NXPE2: variants seen among roughly 807,000 people sequenced by gnomAD.
NXPE2 encodes neurexophilin and PC-esterase domain family member 2.
NXPE2 carries 34 observed loss-of-function variants against 34.4 expected under a neutral mutation model. The ratio of observed to expected loss-of-function variants is 0.99; its 90% confidence interval spans 0.75 to 1.31. NXPE2 has a LOEUF of 1.31. Ranked by LOEUF, NXPE2 falls within the 40% of genes most tolerant of loss-of-function variation. The pLI is 0.00. For synonymous variants in NXPE2, 235 were observed against 231.3 expected, an observed-to-expected ratio of 1.02 and a Z score of -0.15; for missense variants, 649 against 672.5, an observed-to-expected ratio of 0.97 and a Z score of 0.39.
chr11:114,717,268 T>C, the NXPE2 span, among the ~76,000 whole-genome samples: 10 of 152,148 alleles, frequency 6.6e-5, no homozygotes, highest in Non-Finnish European at 1.5e-4. Flanking sequence ...AGATGAACAG[T>C]GGTGTGCAGA....
chr11:114,468,545 G>A, the NXPE2 span, among the ~76,000 whole-genome samples: 15 of 152,256 alleles, frequency 9.9e-5, no homozygotes, highest in Admixed American at 5.9e-4. Context: ...GTTCTTAACT[G>A]GAGGTGGTTT....
chr11:114,724,279 G>A, the NXPE2 span, among the ~76,000 whole-genome samples: 3 of 151,850 alleles, frequency 2.0e-5, no homozygotes, highest in Non-Finnish European at 4.4e-5. Flanking sequence ...TCACAGTGAC[G>A]TGTTCCAGTG....
At chr11:114,602,433 TATA>T in the NXPE2 span, among the ~76,000 whole-genome samples, 1 of 133,488 alleles carries the variant, frequency 7.5e-6, no homozygotes, top group Admixed American at 8.4e-5. Context: ...TAAATGTAAT[TATA>T]ATATATAATA....
At chr11:114,486,864 G>T in the NXPE2 span, among the ~76,000 whole-genome samples, 26 of 151,920 alleles carry the variant, frequency 1.7e-4, no homozygotes, top group Admixed American at 1.6e-3. Flanking sequence ...TGTGTTTCTT[G>T]TTATGCCAGT....
At chr11:114,643,868 C>G in the NXPE2 span, among the ~76,000 whole-genome samples, 7 of 152,056 alleles carry the variant, frequency 4.6e-5, no homozygotes, top group Admixed American at 1.3e-4. Flanking sequence ...TGGCCACTTT[C>G]ATGATATTAA....
the NXPE2 span, among the ~76,000 whole-genome samples, chr11:114,720,578 G>A: frequency 6.6e-6 from 1 of 152,092 alleles, no homozygotes; most frequent in Non-Finnish European, 1.5e-5. Context: ...TGTAGCTGGT[G>A]CAAATGCAGG....
the NXPE2 span, among the ~76,000 whole-genome samples, chr11:114,734,144 T>A: frequency 0.11 from 16,148 of 152,214 alleles, 965 homozygotes; most frequent in Middle Eastern, 0.16. Flanking sequence ...TGGGCTTCAA[T>A]TAGGTGTAAA....
At chr11:114,549,864 A>G in the NXPE2 span, among the ~76,000 whole-genome samples, 1 of 152,098 alleles carries the variant, frequency 6.6e-6, no homozygotes, top group Non-Finnish European at 1.5e-5. Context: ...ACAAATAATA[A>G]AAGAATTTAG....
chr11:114,706,458 A>G lies in NXPE2; in HGVS notation c.1208A>G (p.Glu403Gly). The G allele has an allele frequency of 1.3e-6, 2 of 1,551,742 alleles. No individual in the cohort carries two copies. The highest frequency in any genetic ancestry group is 1.7e-4 in the Middle Eastern group (1 of 5,988). Residue 403 changes from glutamate (E) to glycine (G), a missense_variant, in exon 6 of 6, where the codon GAA becomes GGA. Glu to Gly is a moderately conservative substitution (Grantham distance 98). Coordinates refer to ENST00000389586, the MANE Select transcript of NXPE2 (RefSeq NM_182495.6). The stretch of plus-strand genomic sequence containing the variant: ...AAAACACATGTTCTTCTGGATGTTG[A>G]AAGACATATTTTGATTCAGTGGAAA... Reference protein sequence around the residue: ...IFKTHVLLDVERHILIQWKKH... With the variant: ...IFKTHVLLDVGRHILIQWKKH...
chr11:114,809,852 T>C, the NXPE2 span, among the ~76,000 whole-genome samples: 1 of 119,976 alleles, frequency 8.3e-6, no homozygotes, highest in African/African-American at 3.1e-5. Context: ...TTGAAGTTCA[T>C]ATGGAACCAA....
At chr11:114,646,454 ATTC>A in the NXPE2 span, among the ~76,000 whole-genome samples, 1 of 151,936 alleles carries the variant, frequency 6.6e-6, no homozygotes, top group Non-Finnish European at 1.5e-5. Context: ...ACATTCTTGT[ATTC>A]TTGAGGTGAA....
the NXPE2 span, among the ~76,000 whole-genome samples, chr11:114,609,204 C>T: frequency 6.6e-6 from 1 of 151,722 alleles, no homozygotes; most frequent in South Asian, 2.1e-4. Context: ...CCACCATTAC[C>T]CACCAGATAC....
chr11:114,638,586 C>A, the NXPE2 span, among the ~76,000 whole-genome samples: 1 of 152,062 alleles, frequency 6.6e-6, no homozygotes, highest in Non-Finnish European at 1.5e-5. Flanking sequence ...TTTTCCCCAT[C>A]TTTGTGGTTT....
the NXPE2 span, among the ~76,000 whole-genome samples, chr11:114,802,043 G>A: frequency 6.6e-6 from 1 of 152,192 alleles, no homozygotes; most frequent in African/African-American, 2.4e-5. Flanking sequence ...ATCACCAAGA[G>A]AGTGAATAGA....
chr11:114,523,069 T>C, the NXPE2 span: 3 of 1,613,210 alleles, frequency 1.9e-6, no homozygotes, highest in Admixed American at 1.7e-5. Context: ...CAACTTGGCA[T>C]GTCTCTTCTA....
At chr11:114,485,383 CTTTTTTTTTTT>C in the NXPE2 span, among the ~76,000 whole-genome samples, 5 of 89,220 alleles carry the variant, frequency 5.6e-5, no homozygotes, top group African/African-American at 1.9e-4. Context: ...TAATTTTTGT[CTTTTTTTTTTT>C]TTTTTTTTTT....
chr11:114,719,501 G>A, the NXPE2 span, among the ~76,000 whole-genome samples: 14 of 152,320 alleles, frequency 9.2e-5, no homozygotes, highest in East Asian at 1.9e-4. Flanking sequence ...CATTGTCCTT[G>A]GTGGACGTTT....
chr11:114,581,660 G>T, the NXPE2 span: 2 of 1,305,818 alleles, frequency 1.5e-6, no homozygotes, highest in South Asian at 2.5e-5. Flanking sequence ...AAATCCAGTA[G>T]AAAGAAGAAA....
At chr11:114,783,360 G>A in the NXPE2 span, among the ~76,000 whole-genome samples, 5 of 152,026 alleles carry the variant, frequency 3.3e-5, no homozygotes, top group East Asian at 1.9e-4. Flanking sequence ...TTCTGTGTTC[G>A]CCTTTGAATG....
Sources: gnomAD v4.1 joint callset for allele counts (sites outside exome capture counted in the v4.1 genomes callset) on GRCh38, gnomAD v4.1.1 for gene constraint, MANE v1.5 for transcripts, NCBI Gene and HGNC (gene_info 2026-07-23, HGNC 2026-07-21) for gene names.